The following XPO5 variants were observed in gnomAD, a reference collection of about 807,000 sequenced individuals.
XPO5 encodes exportin-5.
A neutral mutation model predicts 160.6 loss-of-function variants in XPO5; 46 were observed. That is an observed-to-expected ratio of 0.29 (90% CI 0.23 to 0.37). The LOEUF (loss-of-function observed/expected upper bound fraction) is 0.37, where lower values mean the gene tolerates loss of function less well. Ranked by LOEUF, XPO5 falls within the 10% of genes least tolerant of loss-of-function variation. The pLI, the probability that XPO5 is intolerant of heterozygous loss-of-function variation, is 1.00. For synonymous variants in XPO5, 537 were observed against 519.3 expected (o/e 1.03, Z -0.46); for missense variants, 1,090 against 1,463.9 (o/e 0.74, Z 4.17).
At chr6:43,566,519 C>T (rs911528548) in intron 7 of XPO5, 18 of 173,458 alleles carry the variant, frequency 1.0e-4, no homozygotes, top group African/African-American at 4.3e-4. Context: ...TTAGCCAAGA[C>T]AGACATAGGC....
intron 28 of XPO5, 95 bp from the exon 29 acceptor site, chr6:43,525,309 T>TC: frequency 3.5e-6 from 4 of 1,153,422 alleles, no homozygotes; most frequent in Admixed American, 2.5e-5. Context: ...TTTTTTTTTT[T>TC]CCTCCCCCCC....
At chr6:43,526,905 T>C (rs757161025) in intron 26 of XPO5, 158 bp from the exon 27 acceptor site, 6 of 693,008 alleles carry the variant, frequency 8.7e-6, no homozygotes, top group South Asian at 1.7e-5. Context: ...CCAATAGAAA[T>C]AGAGGCATTC....
intron 20 of XPO5, chr6:43,539,683 T>G: frequency 1.2e-6 from 1 of 857,654 alleles, no homozygotes; most frequent in East Asian, 2.7e-5. Flanking sequence ...GCCCCCCCAC[T>G]GCACCGGCGT....
rs1303874232 is a variant in XPO5 at position 43,558,716 on chromosome 6, G to C, written c.1222-125C>G. On this transcript the variant is annotated intron_variant, in intron 11 of 31. Transcript: ENST00000265351. ...TAAGCGTTTGCATGAGATATTGTAT[G>C]GTAAATATCCACTTCAGTTCTATCA... The C allele has an allele frequency of 1.2e-5, 8 of 673,444 alleles. No homozygotes were observed. In the East Asian group the frequency reaches 1.7e-4, roughly 15 times the overall value. The allele number at this position is 673,444 out of a possible 1,614,324, so 41.7% of individuals were successfully genotyped here. A position where few individuals can be genotyped will look rare whatever the true frequency, so the allele number is the denominator to read the frequency against.
chr6:43,553,877 C>A (rs1203337222), intron 13 of XPO5, among the ~76,000 whole-genome samples: 2 of 151,994 alleles, frequency 1.3e-5, no homozygotes, highest in Non-Finnish European at 2.9e-5. Flanking sequence ...CTCCCCTCCT[C>A]CCCCTTTATA....
At chr6:43,573,349 A>G in intron 2 of XPO5, 131 bp downstream of exon 2, 1 of 1,244,320 alleles carries the variant, frequency 8.0e-7, no homozygotes, top group South Asian at 1.6e-5. Context: ...TTCTGATAAC[A>G]TCTAGGGGAT....
intron 1 of XPO5, among the ~76,000 whole-genome samples, chr6:43,574,041 G>T (rs1027318539): frequency 1.1e-4 from 17 of 151,878 alleles, no homozygotes; most frequent in African/African-American, 2.4e-5. Flanking sequence ...TGTTGACCAG[G>T]CTGGTCTTGA....
chr6:43,571,096 AC>A, intron 3 of XPO5, 102 bp from the exon 4 acceptor site: 1 of 1,219,484 alleles, frequency 8.2e-7, no homozygotes, highest in Non-Finnish European at 1.1e-6. Context: ...CAGCAGGCCT[AC>A]TTTTAAACCA....
At chr6:43,572,084 T>C (rs182246744) in intron 3 of XPO5, among the ~76,000 whole-genome samples, 18 of 152,352 alleles carry the variant, frequency 1.2e-4, no homozygotes, top group African/African-American at 4.3e-4. Flanking sequence ...GCTTTTGTTT[T>C]GTTTTGTTTT....
intron 3 of XPO5, among the ~76,000 whole-genome samples, chr6:43,571,870 T>C (rs1243993510): frequency 2.0e-5 from 3 of 152,172 alleles, no homozygotes; most frequent in African/African-American, 4.8e-5. Context: ...AAATTCTGCA[T>C]GTTTTTCATC....
chr6:43,568,805 C>G, intron 5 of XPO5, 68 bp from the exon 6 acceptor site: 4 of 1,360,792 alleles, frequency 2.9e-6, no homozygotes, highest in Non-Finnish European at 2.0e-6. Context: ...TTCTACCCCC[C>G]ACAAATCAAT....
intron 5 of XPO5, 78 bp downstream of exon 5, chr6:43,570,424 C>T (rs979381266): frequency 6.0e-6 from 8 of 1,342,528 alleles, no homozygotes; most frequent in Middle Eastern, 2.4e-4. Flanking sequence ...ACCTAGACAC[C>T]CTAGTTCCTT....
At position 43,527,906 on chromosome 6, in the gene XPO5, C is replaced by G. The variant is rs9296415; in HGVS notation, c.2823-175G>C. On this transcript the variant is annotated intron_variant, in intron 25 of 31. Coordinates refer to ENST00000265351, the MANE Select transcript of XPO5 (RefSeq NM_020750.3). The stretch of plus-strand genomic sequence containing the variant: ...CTGAAGGACATTATTACTAGTGACT[C>G]TGTCCAGTTGGATAGACATTACAGA... Among the ~76,000 whole-genome samples, 2,800 of 152,290 alleles carry G rather than the reference C, an allele frequency of 0.018. 103 individuals carry two copies. Among genetic ancestry groups the G allele is most frequent in the African/African-American group, 0.063 (2,613 of 41,540 alleles).
intron 16 of XPO5, 106 bp downstream of exon 16, chr6:43,549,787 C>T (rs1795140974): frequency 2.3e-6 from 3 of 1,289,038 alleles, no homozygotes; most frequent in African/African-American, 3.0e-5. Flanking sequence ...TAATCTACCA[C>T]CCTTACTACC....
chr6:43,557,616 G>A (rs1479686622), intron 12 of XPO5, among the ~76,000 whole-genome samples: 1 of 151,854 alleles, frequency 6.6e-6, no homozygotes, highest in Non-Finnish European at 1.5e-5. Flanking sequence ...GGGAATTGGG[G>A]GATGACTCCT....
rs1191727799 is a variant in XPO5, at chr6:43,529,909, C to CAAAAAAAA, written c.2677+771_2677+778dup. 1.5e-3 allele frequency among the ~76,000 whole-genome samples: 151 copies of CAAAAAAAA among 97,492 alleles called. 1 individual carries two copies. Among genetic ancestry groups the CAAAAAAAA allele is most frequent in the Non-Finnish European group, 2.3e-3 (111 of 48,062 alleles). 64.0% of individuals were successfully genotyped at this position (97,492 alleles called of 152,430 possible). On this transcript the variant is annotated intron_variant, in intron 23 of 31. Coordinates refer to ENST00000265351, the MANE Select transcript of XPO5 (RefSeq NM_020750.3). ...CCTGGGTAACACTGAGACCCTGTCT[C>CAAAAAAAA]AAAAAAAAAAAAAAAAAAGTGCTTC...
chr6:43,525,005 C>T, intron 29 of XPO5, 37 bp from the exon 30 acceptor site: 1 of 1,606,494 alleles, frequency 6.2e-7, no homozygotes. Context: ...CACAGGGGGC[C>T]TCTCTCAAGG....
At chr6:43,553,528 C>CACACACACACACACACAT in intron 13 of XPO5, 25 bp from the exon 14 acceptor site, 1 of 695,744 alleles carries the variant, frequency 1.4e-6, no homozygotes. Flanking sequence ...CACACACATA[C>CACACACACACACACACAT]ACACACACAC....
At chr6:43,558,447 T>C in intron 12 of XPO5, 54 bp downstream of exon 12, 2 of 1,466,394 alleles carry the variant, frequency 1.4e-6, no homozygotes, top group South Asian at 2.6e-5. Context: ...TGATTCATAA[T>C]ACTAGATGCC....
Sources: allele counts gnomAD v4.1 joint callset (sites outside exome capture counted in the v4.1 genomes callset), GRCh38; gene constraint gnomAD v4.1.1; transcripts MANE v1.5; gene names NCBI Gene and HGNC (gene_info 2026-07-23, HGNC 2026-07-21).